The following SDK1 variants were observed in gnomAD, a reference collection of about 807,000 sequenced individuals.
The protein encoded by SDK1 is protein sidekick-1.
SDK1 carries 157 observed loss-of-function variants against 245.5 expected under a neutral mutation model. That is an observed-to-expected ratio of 0.64 (90% CI 0.56 to 0.73). SDK1 has a LOEUF of 0.73. Ranked by LOEUF, SDK1 falls within the 30% of genes least tolerant of loss-of-function variation. The pLI, the probability that SDK1 is intolerant of heterozygous loss-of-function variation, is 0.00. For missense variants in SDK1, 3,583 were observed against 3,002.3 expected (o/e 1.19, Z -4.52); for synonymous variants, 1,647 against 1,278.5 (o/e 1.29, Z -6.15).
chr7:3,472,122 T>C (rs1328673452), intron 1 of SDK1, among the ~76,000 whole-genome samples: 2 of 152,174 alleles, frequency 1.3e-5, no homozygotes, highest in Non-Finnish European at 2.9e-5. Context: ...TCCCACTGTG[T>C]TGTGGGTTGG....
At chr7:3,782,965 T>C (rs768107249) in intron 4 of SDK1, among the ~76,000 whole-genome samples, 3 of 152,200 alleles carry the variant, frequency 2.0e-5, no homozygotes, top group Non-Finnish European at 4.4e-5. Context: ...TAGATGCAGA[T>C]TTCTCAACAA....
chr7:3,871,258 T>C (rs544734948), intron 5 of SDK1, among the ~76,000 whole-genome samples: 2 of 152,330 alleles, frequency 1.3e-5, no homozygotes, highest in Admixed American at 6.5e-5. Context: ...TCCTTACATA[T>C]TGACCTTTTA....
chr7:3,833,008 T>C (rs1223264308), intron 5 of SDK1, among the ~76,000 whole-genome samples: 1 of 152,108 alleles, frequency 6.6e-6, no homozygotes, highest in African/African-American at 2.4e-5. Flanking sequence ...TATGTAGTTT[T>C]AGAGCATCAT....
intron 40 of SDK1, among the ~76,000 whole-genome samples, chr7:4,226,851 A>G (rs1264658744): frequency 1.3e-5 from 2 of 152,270 alleles, no homozygotes; most frequent in Non-Finnish European, 2.9e-5. Context: ...ATGACGCTAA[A>G]GGAACTATAA....
At chr7:3,595,592 C>G (rs1019766785) in intron 1 of SDK1, among the ~76,000 whole-genome samples, 3 of 151,722 alleles carry the variant, frequency 2.0e-5, no homozygotes, top group Non-Finnish European at 4.4e-5. Flanking sequence ...CATTCTGAAT[C>G]TTAGGGGCAG....
chr7:3,700,966 G>T (rs1365606804), intron 4 of SDK1, among the ~76,000 whole-genome samples: 2 of 152,160 alleles, frequency 1.3e-5, no homozygotes, highest in Admixed American at 1.3e-4. Context: ...GAAAAAAAAT[G>T]TGGAGAGCGG....
chr7:3,502,319 G>C (rs1053504027), intron 1 of SDK1, among the ~76,000 whole-genome samples: 1 of 151,644 alleles, frequency 6.6e-6, no homozygotes, highest in African/African-American at 2.4e-5. Flanking sequence ...GCAGAATCTC[G>C]GCTCACTGCA....
intron 26 of SDK1, among the ~76,000 whole-genome samples, chr7:4,128,754 G>C (rs1445913920): frequency 1.4e-5 from 2 of 147,106 alleles, no homozygotes; most frequent in East Asian, 4.1e-4. Flanking sequence ...CTTGGGGTGG[G>C]GTCCCCTGGA....
chr7:3,792,261 G>C (rs993585418), intron 4 of SDK1, among the ~76,000 whole-genome samples: 2 of 151,908 alleles, frequency 1.3e-5, no homozygotes, highest in Non-Finnish European at 2.9e-5. Flanking sequence ...ACCTGCAATT[G>C]CCTGAGGCCA....
chr7:4,096,111 T>G (rs189846742), intron 22 of SDK1, among the ~76,000 whole-genome samples: 1 of 152,346 alleles, frequency 6.6e-6, no homozygotes, highest in Non-Finnish European at 1.5e-5. Context: ...GTGATTTGCT[T>G]TCCTCTCTTC....
At chr7:3,305,250 A>T (rs1779387140) in intron 1 of SDK1, among the ~76,000 whole-genome samples, 1 of 152,116 alleles carries the variant, frequency 6.6e-6, no homozygotes, top group African/African-American at 2.4e-5. Context: ...AGTTATCTGG[A>T]CTCCACCTCA....
intron 4 of SDK1, among the ~76,000 whole-genome samples, chr7:3,661,036 G>A (rs774041603): frequency 2.0e-4 from 31 of 152,096 alleles, no homozygotes; most frequent in Non-Finnish European, 2.9e-4. Context: ...AAGCCTGTCC[G>A]TGTTCATGGT....
intron 1 of SDK1, among the ~76,000 whole-genome samples, chr7:3,314,192 TG>T (rs112920241): frequency 0.043 from 6,556 of 152,204 alleles, 444 homozygotes; most frequent in African/African-American, 0.14. Flanking sequence ...TGTTGGAATC[TG>T]GGGACTCAGA....
At chr7:3,488,904 CGT>C (rs59773114) in intron 1 of SDK1, among the ~76,000 whole-genome samples, 2,332 of 146,392 alleles carry the variant, frequency 0.016, 17 homozygotes, top group African/African-American at 0.021. Context: ...TTCCTCCCTC[CGT>C]GTGTGTGTGT....
chr7:3,431,103 G>T (rs1779832814), intron 1 of SDK1, among the ~76,000 whole-genome samples: 1 of 152,050 alleles, frequency 6.6e-6, no homozygotes, highest in Non-Finnish European at 1.5e-5. Context: ...GTTTCACCAT[G>T]TTGGCCAGGT....
chr7:3,710,501 C>T (rs1244046522), intron 4 of SDK1, among the ~76,000 whole-genome samples: 1 of 152,180 alleles, frequency 6.6e-6, no homozygotes, highest in Non-Finnish European at 1.5e-5. Flanking sequence ...GATATAGAAA[C>T]AAGCTGCTTA....
At chr7:3,668,903 G>C (rs1166596030) in intron 4 of SDK1, among the ~76,000 whole-genome samples, 3 of 152,222 alleles carry the variant, frequency 2.0e-5, no homozygotes, top group Non-Finnish European at 4.4e-5. Context: ...GGCCTGCCCA[G>C]GTTCAGGAGA....
chr7:3,751,682 G>T (rs542428378), intron 4 of SDK1, among the ~76,000 whole-genome samples: 3 of 152,048 alleles, frequency 2.0e-5, no homozygotes, highest in African/African-American at 7.2e-5. Flanking sequence ...CTGCAGTACC[G>T]AGCTCTGTGA....
At chr7:4,183,640 CAAAAA>C (rs548155248) in intron 35 of SDK1, among the ~76,000 whole-genome samples, 1 of 73,152 alleles carries the variant, frequency 1.4e-5, no homozygotes. Flanking sequence ...GACTCCGTCT[CAAAAA>C]AAAAAAAAAA....
Sources: allele counts gnomAD v4.1 joint callset (sites outside exome capture counted in the v4.1 genomes callset), GRCh38; gene constraint gnomAD v4.1.1; transcripts MANE v1.5; gene names NCBI Gene and HGNC (gene_info 2026-07-23, HGNC 2026-07-21).